The following FAM124B variants were observed in gnomAD, a reference collection of about 807,000 sequenced individuals.
FAM124B encodes the protein protein FAM124B.
FAM124B carries 18 observed loss-of-function variants against 19.7 expected under a neutral mutation model. That is an observed-to-expected ratio of 0.92 (90% CI 0.63 to 1.36). The LOEUF is 1.36. Ranked by LOEUF, FAM124B falls within the 40% of genes most tolerant of loss-of-function variation. FAM124B has a pLI of 0.00. For synonymous variants in FAM124B, 223 were observed against 225.2 expected (o/e 0.99, Z 0.09); for missense variants, 540 against 553.3 (o/e 0.98, Z 0.24).
intron 1 of FAM124B, among the ~76,000 whole-genome samples, chr2:224,399,354 G>C (rs1226456204): frequency 1.3e-5 from 2 of 152,208 alleles, no homozygotes; most frequent in African/African-American, 4.8e-5. Context: ...AACAGAAACA[G>C]TGCCTGTCTA....
At chr2:224,397,474 T>C (rs189959245) in intron 1 of FAM124B, among the ~76,000 whole-genome samples, 2 of 152,182 alleles carry the variant, frequency 1.3e-5, no homozygotes, top group Non-Finnish European at 2.9e-5. Context: ...GAGTGGGGCA[T>C]TGCTGAACAG....
chr2:224,391,634 T>C (rs1161019858), intron 1 of FAM124B, among the ~76,000 whole-genome samples: 1 of 152,204 alleles, frequency 6.6e-6, no homozygotes, highest in Non-Finnish European at 1.5e-5. Flanking sequence ...ATCAAAACAC[T>C]ATATATTAAC....
At chr2:224,398,251 T>C (rs957573801) in intron 1 of FAM124B, among the ~76,000 whole-genome samples, 1 of 152,060 alleles carries the variant, frequency 6.6e-6, no homozygotes, top group Non-Finnish European at 1.5e-5. Context: ...GTGCACACCA[T>C]CATGCCCAGC....
At chr2:224,382,293 T>A (rs1214742711) in intron 1 of FAM124B, among the ~76,000 whole-genome samples, 1 of 152,164 alleles carries the variant, frequency 6.6e-6, no homozygotes, top group East Asian at 1.9e-4. Context: ...AATTTGAATC[T>A]CATATTTTTT....
rs1317847121 is a variant in FAM124B at position 224,394,962 on chromosome 2, AG to A, written c.732+6074del. Among the ~76,000 whole-genome samples the A allele has an allele frequency of 3.3e-5, 5 of 152,214 alleles. No homozygotes were observed. The East Asian group carries it at 9.6e-4, about 29-fold the overall frequency. On this transcript the variant is annotated intron_variant, in intron 1 of 1. Coordinates refer to ENST00000409685, the MANE Select transcript of FAM124B (RefSeq NM_001122779.2). ...GATACCACACAGAACACCCACCCAA[AG>A]GCTAACAAGATCATGGCTGTCACAT...
intron 1 of FAM124B, chr2:224,399,902 G>A (rs7569573): frequency 0.17 from 25,537 of 152,060 alleles, 2,358 homozygotes; most frequent in African/African-American, 0.2. Flanking sequence ...AGAGGAAGAT[G>A]CTAATTCTCG....
chr2:224,379,808 T>G lies in FAM124B; in HGVS notation c.1133A>C (p.Tyr378Ser). 1 of 1,551,804 alleles carries G rather than the reference T, an allele frequency of 6.4e-7. No individual in the cohort carries two copies. Among genetic ancestry groups the G allele is most frequent in the Non-Finnish European group, 8.7e-7 (1 of 1,147,020 alleles). The change falls in exon 2 of 2, where the codon TAT becomes TCT. Residue 378 changes from tyrosine to serine, a missense_variant. Coordinates refer to ENST00000409685, the MANE Select transcript of FAM124B (RefSeq NM_001122779.2). ...TAAATCCCTTGGAAATCCGCCAAAA[T>G]AAGTCTGCCTGGGTTCAGAATTTAT... ...TIINSEPRQT[Y>S]FGGFPRDLQT...
At chr2:224,396,049 T>C (rs1689964268) in intron 1 of FAM124B, among the ~76,000 whole-genome samples, 1 of 152,180 alleles carries the variant, frequency 6.6e-6, no homozygotes, top group African/African-American at 2.4e-5. Flanking sequence ...GGTTCATTTG[T>C]AGAAGGATGT....
intron 1 of FAM124B, among the ~76,000 whole-genome samples, chr2:224,396,658 C>G (rs1240070478): frequency 3.3e-5 from 5 of 152,254 alleles, no homozygotes; most frequent in Non-Finnish European, 5.9e-5. Context: ...CACACAGCAT[C>G]TAGGGGTAGA....
chr2:224,396,201 T>A (rs1002966272), intron 1 of FAM124B, among the ~76,000 whole-genome samples: 5 of 152,108 alleles, frequency 3.3e-5, no homozygotes, highest in African/African-American at 1.2e-4. Flanking sequence ...CTGCCCATCC[T>A]CTTCCCCTGA....
rs59825011 is a variant in FAM124B, at chr2:224,390,114, T to TACACACACACACACAC, written c.733-9922_733-9907dup. Among the ~76,000 whole-genome samples, 558 of 131,770 alleles carry TACACACACACACACAC rather than the reference T, an allele frequency of 4.2e-3. 2 individuals carry two copies. The highest frequency in any genetic ancestry group is 6.2e-3 in the Admixed American group (82 of 13,306). The allele number at this position is 131,770 out of a possible 152,430, so 86.4% of individuals were successfully genotyped here. On this transcript the variant is annotated intron_variant, in intron 1 of 1. Coordinates refer to ENST00000409685, the MANE Select transcript of FAM124B (RefSeq NM_001122779.2). ...GGAAAAAACAGTTGAGTCTTTGAAATACACACACACACACACACACACACA... is the reference window on the plus strand; with the variant it reads ...GGAAAAAACAGTTGAGTCTTTGAAATACACACACACACACACACACACACACACACACACACACACA...
chr2:224,379,993 G>A lies in FAM124B; in HGVS notation c.948C>T (p.Ser316=). Residue 316 remains serine, a synonymous_variant, in exon 2 of 2, where the codon AGC becomes AGT. Transcript: ENST00000409685. ...SDRCAGTSWK[S]PGRSFQVSSP... ...TGCTGACCTGGAATGACCGGCCAGG[G>A]CTTTTCCACGAAGTGCCAGCACACC... 4 of 1,551,710 alleles carry A rather than the reference G, an allele frequency of 2.6e-6. No homozygotes were observed. The highest frequency in any genetic ancestry group is 3.5e-6 in the Non-Finnish European group (4 of 1,147,004).
At chr2:224,384,835 G>A (rs983709493) in intron 1 of FAM124B, among the ~76,000 whole-genome samples, 13 of 152,022 alleles carry the variant, frequency 8.6e-5, no homozygotes, top group Non-Finnish European at 1.5e-4. Context: ...ATCACCTCCC[G>A]CCTTCTTGGT....
At chr2:224,389,029 CT>C (rs1689841033) in intron 1 of FAM124B, among the ~76,000 whole-genome samples, 1 of 152,188 alleles carries the variant, frequency 6.6e-6, no homozygotes, top group Non-Finnish European at 1.5e-5. Flanking sequence ...ACCTCCCAGG[CT>C]CAACCAATTC....
Position 224,379,792 on chromosome 2 carries a change from T to TA in FAM124B, c.1148_1149insT (p.Arg384LysfsTer29). Reference sequence around the variant, plus strand: ...GTGGCTGGCTGGTCTGTAAATCCCTTGGAAATCCGCCAAAATAAGTCTGCC... The same window carrying TA: ...GTGGCTGGCTGGTCTGTAAATCCCTTAGGAAATCCGCCAAAATAAGTCTGCC... On this transcript the variant is annotated frameshift_variant, in exon 2 of 2. Transcript: ENST00000409685. LOFTEE classifies it low-confidence loss of function (END_TRUNC). 1 of 1,551,726 alleles carries TA rather than the reference T, an allele frequency of 6.4e-7. No individual in the cohort carries two copies. Among genetic ancestry groups the TA allele is most frequent in the Non-Finnish European group, 8.7e-7 (1 of 1,147,006 alleles).
chr2:224,379,507 G>A lies in FAM124B; in HGVS notation c.*66C>T. On this transcript the variant is annotated 3_prime_UTR_variant, in exon 2 of 2. Transcript: ENST00000409685. ...TGAACAACTAACAGGCTGATTCTGG[G>A]TCAGTACTCCATTTCTAGAACATTT... 6.8e-7 allele frequency: 1 copy of A among 1,465,860 alleles called. No homozygotes were observed. Among genetic ancestry groups the A allele is most frequent in the Non-Finnish European group, 9.0e-7 (1 of 1,109,546 alleles). 90.8% of individuals were successfully genotyped at this position (1,465,860 alleles called of 1,614,324 possible). A position where few individuals can be genotyped will look rare whatever the true frequency, so the allele number is the denominator to read the frequency against.
At position 224,401,436 on chromosome 2, in the gene FAM124B, A is replaced by C. The variant is rs150631626; in HGVS notation, c.333T>G (p.Phe111Leu). 132 of 1,614,016 alleles carry C rather than the reference A, an allele frequency of 8.2e-5. No individual in the cohort carries two copies. In the African/African-American group the frequency reaches 1.5e-3, roughly 18 times the overall value. ...DTRGRLCPYF[F>L]ANQEFYSLDS... ...CCAGGCTGTAGAACTCCTGATTGGC[A>C]AAAAAGTAGGGACACAGCCTTCCCC... is the stretch of plus-strand genomic sequence containing the variant. The change falls in exon 1 of 2, where the codon TTT (phenylalanine) becomes TTG (leucine). Residue 111 changes from phenylalanine (F) to leucine (L), a missense_variant. By Grantham distance (22) the Phe-to-Leu change is conservative (BLOSUM62 0). Transcript: ENST00000409685.
chr2:224,401,265 CT>C lies in FAM124B; in HGVS notation c.503del (p.Lys168ArgfsTer21). On this transcript the variant is annotated frameshift_variant, in exon 1 of 2. Transcript: ENST00000409685. LOFTEE classifies it high-confidence loss of function. ...MILQREATLQ[K>X]SNFCFFVLYA... ...AGAGCACGAAGAAACAAAAATTGCT[CT>C]TTTGCAAGGTCGCTTCTCTCTGCAG... The C allele has an allele frequency of 6.2e-7, 1 of 1,614,032 alleles. No homozygotes were observed. The highest frequency in any genetic ancestry group is 8.5e-7 in the Non-Finnish European group (1 of 1,180,014).
chr2:224,396,458 C>T (rs1337377925), intron 1 of FAM124B, among the ~76,000 whole-genome samples: 3 of 152,334 alleles, frequency 2.0e-5, no homozygotes, highest in East Asian at 1.9e-4. Context: ...TCTGCACACA[C>T]GCCTCCATCC....
Sources: gnomAD v4.1 joint callset for allele counts (sites outside exome capture counted in the v4.1 genomes callset) on GRCh38, gnomAD v4.1.1 for gene constraint, MANE v1.5 for transcripts, NCBI Gene and HGNC (gene_info 2026-07-23, HGNC 2026-07-21) for gene names.